TTC27: variants seen among roughly 807,000 people sequenced by gnomAD.
The protein encoded by TTC27 is tetratricopeptide repeat domain 27.
Under a neutral mutation model 115.9 loss-of-function variants are expected in TTC27, and 79 were observed. The observed-to-expected ratio is 0.68, with a 90% CI of 0.57 to 0.82. The LOEUF is 0.82. Ranked by LOEUF, TTC27 falls within the 40% of genes least tolerant of loss-of-function variation. The pLI is 0.00. For synonymous variants in TTC27, 401 were observed against 356.0 expected (o/e 1.13, Z -1.42); for missense variants, 1,054 against 993.1 (o/e 1.06, Z -0.82).
At chr2:32,815,030 C>T (rs1271176011) in intron 18 of TTC27, among the ~76,000 whole-genome samples, 1 of 152,000 alleles carries the variant, frequency 6.6e-6, no homozygotes, top group Non-Finnish European at 1.5e-5. Flanking sequence ...GTATTTGAGG[C>T]CTCCCTATAA....
intron 5 of TTC27, among the ~76,000 whole-genome samples, chr2:32,661,116 T>A (rs1381584665): frequency 6.6e-6 from 1 of 152,156 alleles, no homozygotes; most frequent in Admixed American, 6.5e-5. Flanking sequence ...CTACTCTGTT[T>A]CATTGGTCTA....
chr2:32,692,039 T>TG (rs1666835202), intron 9 of TTC27, among the ~76,000 whole-genome samples: 2 of 73,194 alleles, frequency 2.7e-5, no homozygotes, highest in South Asian at 4.4e-4. Flanking sequence ...TTTTTAGGTT[T>TG]TTTTTTTTTT....
chr2:32,642,560 G>C (rs2151864637), intron 4 of TTC27, among the ~76,000 whole-genome samples: 1 of 152,134 alleles, frequency 6.6e-6, no homozygotes, highest in East Asian at 1.9e-4. Flanking sequence ...GCCTAAATTT[G>C]TTTTAAAAGA....
intron 10 of TTC27, 72 bp downstream of exon 10, chr2:32,702,992 T>A: frequency 9.6e-7 from 1 of 1,046,660 alleles, no homozygotes. Context: ...ACATGTTTGC[T>A]ATGAATGAAG....
At chr2:32,719,189 A>G (rs1667844777) in intron 10 of TTC27, among the ~76,000 whole-genome samples, 2 of 152,228 alleles carry the variant, frequency 1.3e-5, no homozygotes, top group African/African-American at 4.8e-5. Flanking sequence ...CCAGAGTGAC[A>G]TCCAACAGAT....
chr2:32,728,760 T>A (rs1264098397), intron 10 of TTC27, among the ~76,000 whole-genome samples: 2 of 152,122 alleles, frequency 1.3e-5, no homozygotes, highest in African/African-American at 2.4e-5. Flanking sequence ...AAAGACTGGG[T>A]TCACAATAAG....
chr2:32,801,786 G>A (rs1670949487), intron 16 of TTC27, among the ~76,000 whole-genome samples: 1 of 152,180 alleles, frequency 6.6e-6, no homozygotes. Flanking sequence ...CCACTCCTAT[G>A]AAAGTCTTGC....
chr2:32,759,575 G>C (rs1572585595), intron 13 of TTC27, among the ~76,000 whole-genome samples: 1 of 152,098 alleles, frequency 6.6e-6, no homozygotes, highest in East Asian at 1.9e-4. Context: ...AACATAGTGA[G>C]ACCTCATCTC....
At chr2:32,702,770 C>G (rs1168797468) in intron 9 of TTC27, 37 bp from the exon 10 acceptor site, 2 of 1,386,586 alleles carry the variant, frequency 1.4e-6, no homozygotes, top group African/African-American at 1.4e-5. Context: ...CCTAGCTTAT[C>G]TCTTTTCTAT....
intron 18 of TTC27, among the ~76,000 whole-genome samples, 185 bp downstream of exon 18, chr2:32,812,800 TAAG>T (rs1671361641): frequency 1.3e-5 from 2 of 152,200 alleles, no homozygotes; most frequent in South Asian, 4.1e-4. Context: ...CATTTTGAAA[TAAG>T]AAGAAGAAAC....
At chr2:32,660,424 A>G (rs189039484) in intron 5 of TTC27, among the ~76,000 whole-genome samples, 146 of 152,348 alleles carry the variant, frequency 9.6e-4, no homozygotes, top group Middle Eastern at 3.4e-3. Flanking sequence ...GCTATAAAAA[A>G]GGATGAGTTC....
At chr2:32,666,942 T>C (rs1012125489) in intron 7 of TTC27, among the ~76,000 whole-genome samples, 174 bp downstream of exon 7, 21 of 145,244 alleles carry the variant, frequency 1.4e-4, no homozygotes, top group African/African-American at 2.9e-4. Context: ...TGTTTTTTTT[T>C]CCTAACCTGT....
At chr2:32,742,556 G>T (rs1319854121) in intron 12 of TTC27, among the ~76,000 whole-genome samples, 1 of 152,206 alleles carries the variant, frequency 6.6e-6, no homozygotes, top group African/African-American at 2.4e-5. Flanking sequence ...GTGTAGCTGG[G>T]AGTGTCTGAT....
intron 4 of TTC27, among the ~76,000 whole-genome samples, chr2:32,642,658 G>A (rs550021321): frequency 6.6e-6 from 1 of 151,804 alleles, no homozygotes; most frequent in South Asian, 2.1e-4. Context: ...GTTGTTTTTT[G>A]TTTGTTTGTT....
rs928224071 is a variant in TTC27 at position 32,757,314 on chromosome 2, G to A, written c.1453-978G>A. Among the ~76,000 whole-genome samples, 9 of 152,144 alleles carry A rather than the reference G, an allele frequency of 5.9e-5. No individual in the cohort carries two copies. In the East Asian group the frequency reaches 9.6e-4, roughly 16 times the overall value. On this transcript the variant is annotated intron_variant, in intron 12 of 19. Transcript: ENST00000317907. ...TGCTCTAAAAAATGGTCACAGTGGC[G>A]ACACCTGGAGCAGGTAGTGAGGCCA...
chr2:32,719,920 A>G (rs909318635), intron 10 of TTC27, among the ~76,000 whole-genome samples: 4 of 152,222 alleles, frequency 2.6e-5, no homozygotes, highest in Non-Finnish European at 5.9e-5. Context: ...AGTCTCCCTC[A>G]GCAGCCCAGG....
At chr2:32,705,661 C>T (rs2151902695) in intron 10 of TTC27, among the ~76,000 whole-genome samples, 1 of 152,214 alleles carries the variant, frequency 6.6e-6, no homozygotes, top group South Asian at 2.1e-4. Flanking sequence ...AGTATTCCTC[C>T]TGTCTCAGCC....
chr2:32,767,459 T>TG (rs1553317317), intron 13 of TTC27, among the ~76,000 whole-genome samples: 6 of 141,064 alleles, frequency 4.3e-5, no homozygotes, highest in East Asian at 2.0e-4. Flanking sequence ...TTTTGTTTTT[T>TG]TTTTTTTTTT....
intron 13 of TTC27, among the ~76,000 whole-genome samples, chr2:32,776,894 G>A (rs1021082210): frequency 5.3e-5 from 8 of 152,182 alleles, no homozygotes; most frequent in African/African-American, 1.9e-4. Context: ...ACAGGTGTGA[G>A]CCACCACACC....
Sources: gnomAD v4.1 joint callset for allele counts (sites outside exome capture counted in the v4.1 genomes callset) on GRCh38, gnomAD v4.1.1 for gene constraint, MANE v1.5 for transcripts, NCBI Gene and HGNC (gene_info 2026-07-23, HGNC 2026-07-21) for gene names.